Variants in MBNL1 observed in about 807,000 individuals in gnomAD.
MBNL1 encodes the protein muscleblind like splicing regulator 1, also known as muscleblind-like protein 1.
In MBNL1, 8 loss-of-function variants were observed where a neutral mutation model predicts 42.2. That is an observed-to-expected ratio of 0.19 (90% CI 0.11 to 0.34). MBNL1 has a LOEUF of 0.34. MBNL1 is among the 10% of genes least tolerant of loss of function. The probability of loss-of-function intolerance (pLI) is 1.00; values close to 1 mark genes in which losing one functional copy is unlikely to be tolerated. For synonymous variants in MBNL1, 169 were observed against 173.9 expected (o/e 0.97, Z 0.22); for missense variants, 309 against 495.3 (o/e 0.62, Z 3.57).
intron 2 of MBNL1, among the ~76,000 whole-genome samples, chr3:152,251,187 G>T (rs903273276): frequency 3.3e-5 from 5 of 151,962 alleles, no homozygotes; most frequent in African/African-American, 1.2e-4. Flanking sequence ...ATCAAATAAT[G>T]TCTTTTTAAA....
At chr3:152,341,332 C>G (rs551656421) in intron 2 of MBNL1, among the ~76,000 whole-genome samples, 2 of 152,202 alleles carry the variant, frequency 1.3e-5, no homozygotes, top group East Asian at 1.9e-4. Flanking sequence ...AGAAATGAAA[C>G]AAATATAAGA....
intron 2 of MBNL1, among the ~76,000 whole-genome samples, chr3:152,323,572 G>C (rs1036526641): frequency 6.6e-6 from 1 of 152,042 alleles, no homozygotes; most frequent in Non-Finnish European, 1.5e-5. Context: ...AAACCTAAAT[G>C]GTATAGCCTA....
At chr3:152,276,107 A>G (rs1235601111) in intron 1 of MBNL1, among the ~76,000 whole-genome samples, 1 of 152,158 alleles carries the variant, frequency 6.6e-6, no homozygotes, top group East Asian at 1.9e-4. Flanking sequence ...TCATGACTAG[A>G]ACAATTTTTT....
chr3:152,374,634 T>C (rs1578976388), intron 2 of MBNL1, among the ~76,000 whole-genome samples: 2 of 152,164 alleles, frequency 1.3e-5, no homozygotes, highest in Admixed American at 6.5e-5. Context: ...GAAAGTGAAA[T>C]TGAAGTCACA....
intron 2 of MBNL1, among the ~76,000 whole-genome samples, chr3:152,373,559 G>A (rs186386480): frequency 5.3e-5 from 8 of 152,170 alleles, no homozygotes; most frequent in Non-Finnish European, 8.8e-5. Flanking sequence ...CTTTGGTGGG[G>A]GAGGTTGTTT....
At chr3:152,351,079 CTT>C (rs35508184) in intron 2 of MBNL1, among the ~76,000 whole-genome samples, 16 of 149,840 alleles carry the variant, frequency 1.1e-4, no homozygotes, top group Non-Finnish European at 1.8e-4. Flanking sequence ...ATGTATCAGA[CTT>C]TTTTTTTTCC....
intron 2 of MBNL1, chr3:152,340,733 G>T (rs762256382): frequency 1.2e-6 from 2 of 1,614,004 alleles, no homozygotes; most frequent in East Asian, 4.5e-5. Context: ...TTTGGATTCC[G>T]TGATGGCTGA....
rs188503314 is a variant in MBNL1 at position 152,410,802 on chromosome 3, T to A, written c.175-4139T>A. On this transcript the variant is annotated intron_variant, in intron 2 of 9. Transcript: ENST00000324210. Reference sequence around the variant, plus strand: ...GTGTTACAATGAGACTTTTTCTTGGTGTATGTGGCAAATACACATTGATTA... The same window carrying A: ...GTGTTACAATGAGACTTTTTCTTGGAGTATGTGGCAAATACACATTGATTA... 3.2e-4 allele frequency among the ~76,000 whole-genome samples: 49 copies of A among 152,368 alleles called. No homozygotes were observed. In the East Asian group the frequency reaches 7.1e-3, roughly 22 times the overall value.
intron 2 of MBNL1, among the ~76,000 whole-genome samples, chr3:152,322,761 A>G (rs1447625593): frequency 2.0e-5 from 3 of 152,086 alleles, no homozygotes; most frequent in African/African-American, 7.2e-5. Flanking sequence ...GTAGAAATCA[A>G]TAGTTAAATT....
intron 9 of MBNL1, 34 bp from the exon 10 acceptor site, chr3:152,462,351 G>A (rs1747757408): frequency 1.3e-5 from 2 of 152,134 alleles, no homozygotes; most frequent in African/African-American, 2.4e-5. Context: ...GATATTACCT[G>A]TTCTAACAAA....
At chr3:152,303,739 G>T (rs1027339517) in intron 2 of MBNL1, among the ~76,000 whole-genome samples, 9 of 151,820 alleles carry the variant, frequency 5.9e-5, no homozygotes, top group African/African-American at 2.2e-4. Flanking sequence ...CAAAAAAAAA[G>T]CTTTTACGAT....
At chr3:152,325,781 T>G (rs552201285) in intron 2 of MBNL1, among the ~76,000 whole-genome samples, 5 of 123,406 alleles carry the variant, frequency 4.1e-5, no homozygotes, top group Non-Finnish European at 6.6e-5. Context: ...CTCTTCCAGA[T>G]ATGAACTCAT....
At chr3:152,446,333 A>G (rs980977495) in intron 5 of MBNL1, among the ~76,000 whole-genome samples, 4 of 152,178 alleles carry the variant, frequency 2.6e-5, no homozygotes, top group Non-Finnish European at 1.5e-5. Context: ...AGTATTTCAT[A>G]ACACAGTGAA....
intron 2 of MBNL1, among the ~76,000 whole-genome samples, chr3:152,412,899 C>A (rs1394208582): frequency 6.6e-6 from 1 of 152,126 alleles, no homozygotes; most frequent in Non-Finnish European, 1.5e-5. Flanking sequence ...ACCCCTCTCA[C>A]CTGCATTTAA....
intron 1 of MBNL1, among the ~76,000 whole-genome samples, chr3:152,274,330 A>G (rs2043625888): frequency 1.3e-5 from 2 of 152,200 alleles, no homozygotes; most frequent in Non-Finnish European, 2.9e-5. Flanking sequence ...AAAATACCAC[A>G]GTAGACTTAG....
intron 3 of MBNL1, among the ~76,000 whole-genome samples, chr3:152,431,475 A>G (rs1405120120): frequency 1.3e-5 from 2 of 152,192 alleles, no homozygotes; most frequent in African/African-American, 2.4e-5. Flanking sequence ...CTTATATTGC[A>G]AAAAGTTTTA....
chr3:152,297,298 G>T (rs2058990933), intron 1 of MBNL1, among the ~76,000 whole-genome samples: 1 of 142,568 alleles, frequency 7.0e-6, no homozygotes. Flanking sequence ...TTAAGACCTA[G>T]GAACTTTTTT....
chr3:152,249,316 GGT>G, intron 2 of MBNL1, among the ~76,000 whole-genome samples: 1 of 142,464 alleles, frequency 7.0e-6, no homozygotes, highest in Non-Finnish European at 1.5e-5. Context: ...CATTCTAACT[GGT>G]GTGAGATGGT....
At chr3:152,332,740 G>GTGTGTGTGTT (rs2085967794) in intron 2 of MBNL1, among the ~76,000 whole-genome samples, 2 of 45,262 alleles carry the variant, frequency 4.4e-5, no homozygotes, top group Non-Finnish European at 9.7e-5. Context: ...GTGTGTGTGT[G>GTGTGTGTGTT]CGCGCGCGCA....
Sources: gnomAD v4.1 joint callset for allele counts (sites outside exome capture counted in the v4.1 genomes callset) on GRCh38, gnomAD v4.1.1 for gene constraint, MANE v1.5 for transcripts, NCBI Gene and HGNC (gene_info 2026-07-23, HGNC 2026-07-21) for gene names.